Variants in RGL1 observed in about 807,000 individuals in gnomAD.
The protein encoded by RGL1 is ral guanine nucleotide dissociation stimulator like 1.
Under a neutral mutation model 95.2 loss-of-function variants are expected in RGL1, and 24 were observed. The ratio of observed to expected loss-of-function variants is 0.25; its 90% CI spans 0.18 to 0.35. The LOEUF is 0.35. Ranked by LOEUF, RGL1 falls within the 10% of genes least tolerant of loss-of-function variation. The pLI, the probability that RGL1 is intolerant of heterozygous loss-of-function variation, is 1.00. For synonymous variants in RGL1, 329 were observed against 344.9 expected (o/e 0.95, Z 0.51); for missense variants, 715 against 936.3 (o/e 0.76, Z 3.08).
chr1:183,820,476 C>T (rs1027065561), intron 2 of RGL1, among the ~76,000 whole-genome samples: 2 of 151,818 alleles, frequency 1.3e-5, no homozygotes, highest in African/African-American at 4.9e-5. Context: ...TGCATGAGGA[C>T]CCTGATAGCA....
At chr1:183,867,012 G>A (rs1269717734) in intron 4 of RGL1, among the ~76,000 whole-genome samples, 2 of 152,178 alleles carry the variant, frequency 1.3e-5, no homozygotes, top group Non-Finnish European at 2.9e-5. Context: ...TGCGGTTTGA[G>A]CAGCGGAGAG....
intron 2 of RGL1, among the ~76,000 whole-genome samples, chr1:183,834,691 A>ATTTTT (rs888579465): frequency 6.6e-6 from 1 of 151,326 alleles, no homozygotes; most frequent in South Asian, 2.1e-4. Context: ...TTTATTTTGT[A>ATTTTT]TTTTTTTTAT....
chr1:183,743,109 T>G (rs1333590541), intron 2 of RGL1, among the ~76,000 whole-genome samples: 2 of 152,148 alleles, frequency 1.3e-5, no homozygotes, highest in African/African-American at 4.8e-5. Context: ...ACTCCTGGGC[T>G]CAAGTGATCC....
Position 183,827,072 on chromosome 1 carries a change from G to A in RGL1, c.139-20494G>A, listed in dbSNP as rs1280065151. Among the ~76,000 whole-genome samples, 5 of 152,086 alleles carry A rather than the reference G, an allele frequency of 3.3e-5. No homozygotes were observed. The East Asian group carries it at 7.7e-4, about 23-fold the overall frequency. On this transcript the variant is annotated intron_variant, in intron 2 of 17. Coordinates refer to ENST00000360851, the MANE Select transcript of RGL1 (RefSeq NM_001297671.3). Reference sequence around the variant, plus strand: ...TAAATAGCTGGGATTACAGGCATACGCCACCATGCCCAGCTAATTTTTGTG... The same window carrying A: ...TAAATAGCTGGGATTACAGGCATACACCACCATGCCCAGCTAATTTTTGTG...
chr1:183,888,242 C>CA (rs1190465963), intron 7 of RGL1, among the ~76,000 whole-genome samples: 3 of 152,078 alleles, frequency 2.0e-5, no homozygotes, highest in Non-Finnish European at 2.9e-5. Flanking sequence ...AACAACAACA[C>CA]AAAAAAATAT....
At chr1:183,920,946 A>G (rs1415824725) in intron 16 of RGL1, among the ~76,000 whole-genome samples, 2 of 152,142 alleles carry the variant, frequency 1.3e-5, no homozygotes, top group Non-Finnish European at 2.9e-5. Flanking sequence ...TCTGGGAGGA[A>G]ATGAGACTTC....
At chr1:183,658,023 A>G (rs1343889374) in intron 1 of RGL1, among the ~76,000 whole-genome samples, 1 of 152,124 alleles carries the variant, frequency 6.6e-6, no homozygotes, top group African/African-American at 2.4e-5. Context: ...CATTGCTTAC[A>G]TTTATTCCTA....
chr1:183,738,047 C>G (rs935021983), intron 1 of RGL1, among the ~76,000 whole-genome samples: 2 of 152,168 alleles, frequency 1.3e-5, no homozygotes, highest in Non-Finnish European at 2.9e-5. Flanking sequence ...TTCATATTAT[C>G]TGATGATTCT....
intron 9 of RGL1, among the ~76,000 whole-genome samples, chr1:183,896,682 ACCCCCC>A (rs775051893): frequency 6.6e-6 from 1 of 152,016 alleles, no homozygotes; most frequent in Admixed American, 6.6e-5. Flanking sequence ...TGTGCAATTT[ACCCCCC>A]CATTCATGCA....
chr1:183,676,611 G>C (rs936021700), intron 1 of RGL1, among the ~76,000 whole-genome samples: 1 of 151,068 alleles, frequency 6.6e-6, no homozygotes, highest in Non-Finnish European at 1.5e-5. Context: ...CCCTGTTCTT[G>C]GTTAGCAGAA....
chr1:183,717,985 G>T (rs935363213), intron 1 of RGL1, among the ~76,000 whole-genome samples: 4 of 152,140 alleles, frequency 2.6e-5, no homozygotes, highest in African/African-American at 9.7e-5. Context: ...GGTGGCTCAC[G>T]CCTGTAATTC....
chr1:183,890,163 GT>G (rs1368636260), intron 8 of RGL1, among the ~76,000 whole-genome samples: 2 of 152,202 alleles, frequency 1.3e-5, no homozygotes, highest in African/African-American at 4.8e-5. Context: ...ACAGTCAAGT[GT>G]TAAAATGTAG....
chr1:183,685,343 G>A (rs747944503), intron 1 of RGL1, among the ~76,000 whole-genome samples: 1 of 152,098 alleles, frequency 6.6e-6, no homozygotes, highest in Non-Finnish European at 1.5e-5. Flanking sequence ...CACCCGCATG[G>A]GATCTGGGAG....
chr1:183,720,523 G>A (rs1301190943), intron 1 of RGL1, among the ~76,000 whole-genome samples: 3 of 152,242 alleles, frequency 2.0e-5, no homozygotes, highest in Non-Finnish European at 2.9e-5. Context: ...TCCATGGGCT[G>A]CCTACTTCTG....
At chr1:183,825,208 T>C (rs1295321430) in intron 2 of RGL1, among the ~76,000 whole-genome samples, 3 of 152,222 alleles carry the variant, frequency 2.0e-5, no homozygotes, top group Non-Finnish European at 4.4e-5. Flanking sequence ...ATTTTAGACA[T>C]ATCATGCTGG....
intron 4 of RGL1, among the ~76,000 whole-genome samples, chr1:183,879,020 CAATT>C (rs1209127557): frequency 6.6e-6 from 1 of 152,166 alleles, no homozygotes; most frequent in African/African-American, 2.4e-5. Context: ...ATCAGGTTTT[CAATT>C]AATTTCTGGC....
chr1:183,681,109 G>A (rs1653182808), intron 1 of RGL1, among the ~76,000 whole-genome samples: 2 of 152,276 alleles, frequency 1.3e-5, no homozygotes, highest in African/African-American at 4.8e-5. Flanking sequence ...ATATAATCAT[G>A]TCTTCTGCAA....
intron 5 of RGL1, among the ~76,000 whole-genome samples, chr1:183,882,678 A>G (rs932835316): frequency 6.6e-6 from 1 of 152,140 alleles, no homozygotes; most frequent in Non-Finnish European, 1.5e-5. Flanking sequence ...GCAATCCTCA[A>G]ATCACATACC....
At chr1:183,853,210 C>T (rs541069986) in intron 3 of RGL1, among the ~76,000 whole-genome samples, 42 of 152,022 alleles carry the variant, frequency 2.8e-4, no homozygotes, top group Non-Finnish European at 5.3e-4. Context: ...GTGGTGCATG[C>T]CTGTAGCCCT....
Sources: allele counts gnomAD v4.1 joint callset (sites outside exome capture counted in the v4.1 genomes callset), GRCh38; gene constraint gnomAD v4.1.1; transcripts MANE v1.5; gene names NCBI Gene and HGNC (gene_info 2026-07-23, HGNC 2026-07-21).